Variants in PAK3 observed in about 807,000 individuals in gnomAD.
The protein encoded by PAK3 is serine/threonine-protein kinase PAK 3.
A neutral mutation model predicts 41.0 loss-of-function variants in PAK3; 4 were observed. The ratio of observed to expected loss-of-function variants is 0.10; its 90% CI spans 0.05 to 0.22. The LOEUF is 0.22. PAK3 is among the 10% of genes least tolerant of loss of function. The pLI, the probability that PAK3 is intolerant of heterozygous loss-of-function variation, is 1.00. For missense variants in PAK3, 205 were observed against 409.9 expected (o/e 0.50, Z 4.32); for synonymous variants, 146 against 139.6 (o/e 1.05, Z -0.32).
rs760116222 is a variant in PAK3, at chrX:111,163,580, G to T, written c.619G>T (p.Val207Phe). 41 of 1,204,058 alleles carry T rather than the reference G, an allele frequency of 3.4e-5. No homozygotes were observed. The highest frequency in any genetic ancestry group is 4.4e-5 in the Non-Finnish European group (39 of 890,532). Reference sequence around the variant, plus strand: ...TTTTTAGATCTATACTCGTTCTGTGGTTGAATCCATTGCTTCACCAGCAGT... The same window carrying T: ...TTTTTAGATCTATACTCGTTCTGTGTTTGAATCCATTGCTTCACCAGCAGT... The part of the protein sequence containing the change: ...HTKSIYTRSV[V>F]ESIASPAVPN... Residue 207 changes from valine (V) to phenylalanine (F), a missense_variant, in exon 10 of 18, where the codon GTT becomes TTT. Transcript: ENST00000372007.
intron 1 of PAK3, among the ~76,000 whole-genome samples, chrX:111,072,508 T>C (rs1338429513): frequency 8.9e-6 from 1 of 112,621 alleles, no homozygotes; most frequent in Non-Finnish European, 1.9e-5. Flanking sequence ...TAATTATTAA[T>C]GGTGGACTGA....
At chrX:110,959,883 T>G (rs1034119760) in intron 1 of PAK3, among the ~76,000 whole-genome samples, 6 of 111,214 alleles carry the variant, frequency 5.4e-5, no homozygotes, top group Non-Finnish European at 1.1e-4. Context: ...AAATTCATTG[T>G]TTTTTTTAAA....
intron 16 of PAK3, among the ~76,000 whole-genome samples, chrX:111,214,032 A>G (rs897251074): frequency 1.8e-5 from 2 of 111,639 alleles, no homozygotes; most frequent in African/African-American, 6.5e-5. Context: ...AAAATTACAA[A>G]GGAATGAGAG....
intron 1 of PAK3, among the ~76,000 whole-genome samples, chrX:111,019,392 C>T (rs1046850929): frequency 9.1e-6 from 1 of 109,525 alleles, no homozygotes; most frequent in African/African-American, 3.3e-5. Flanking sequence ...CCACAAAATT[C>T]GATTATAAAA....
intron 1 of PAK3, among the ~76,000 whole-genome samples, chrX:110,970,465 G>C (rs2091182993): frequency 9.0e-6 from 1 of 111,485 alleles, no homozygotes; most frequent in Admixed American, 9.5e-5. Context: ...GAGGAAACTG[G>C]AAACCATCAT....
intron 1 of PAK3, among the ~76,000 whole-genome samples, chrX:111,006,961 T>C (rs1166734182): frequency 4.7e-5 from 5 of 106,307 alleles, no homozygotes; most frequent in Non-Finnish European, 9.7e-5. Flanking sequence ...CTTCCCGCCT[T>C]GGCCTCCCAA....
intron 10 of PAK3, among the ~76,000 whole-genome samples, chrX:111,166,379 C>G (rs978884780): frequency 3.6e-5 from 4 of 111,805 alleles, no homozygotes; most frequent in Non-Finnish European, 7.5e-5. Flanking sequence ...TCATGGCTCA[C>G]TGCAACCTTG....
At chrX:111,041,032 G>T (rs2092448203) in intron 1 of PAK3, among the ~76,000 whole-genome samples, 1 of 112,417 alleles carries the variant, frequency 8.9e-6, no homozygotes, top group African/African-American at 3.2e-5. Flanking sequence ...TCACGATATA[G>T]CTCCTTTCTT....
intron 1 of PAK3, among the ~76,000 whole-genome samples, chrX:111,031,782 A>G (rs2148751015): frequency 9.0e-6 from 1 of 111,687 alleles, no homozygotes; most frequent in East Asian, 2.8e-4. Flanking sequence ...TGGGTCTATG[A>G]ACTGGGATTT....
chrX:111,120,111 TA>T (rs1170490242), intron 4 of PAK3, among the ~76,000 whole-genome samples: 3 of 112,434 alleles, frequency 2.7e-5, no homozygotes, highest in Non-Finnish European at 5.6e-5. Flanking sequence ...TGTGTCTTTG[TA>T]AAAGGTGTAT....
rs1211004864 is a variant in PAK3 at position 111,192,957 on chromosome X, A to G, written c.992+339A>G. ...GAGCCAGTACAATTTCTGGGAGTCT[A>G]AGTGAAGAAGGCTGACTACAATGGC... On this transcript the variant is annotated intron_variant, in intron 13 of 17. Coordinates refer to ENST00000372007, the MANE Select transcript of PAK3 (RefSeq NM_002578.5). Among the ~76,000 whole-genome samples, 5 of 112,162 alleles carry G rather than the reference A, an allele frequency of 4.5e-5. No individual in the cohort carries two copies. In the East Asian group the frequency reaches 1.4e-3, roughly 31 times the overall value.
chrX:111,222,851 A>G lies in PAK3; in HGVS notation c.*2404A>G, dbSNP rs1469699696. 1 of 111,141 alleles carries G rather than the reference A, an allele frequency of 9.0e-6. No individual in the cohort carries two copies. The highest frequency in any genetic ancestry group is 1.9e-5 in the Non-Finnish European group (1 of 52,992). The allele number at this position is 111,141 out of a possible 1,213,427, so 9.2% of individuals were successfully genotyped here. On this transcript the variant is annotated 3_prime_UTR_variant, in exon 18 of 18. Transcript: ENST00000372007. ...GGCTTCTCTCTTATGCTTTCAGTTC[A>G]GCATATTAACAATGAGGAGCCAGGT...
intron 1 of PAK3, among the ~76,000 whole-genome samples, chrX:111,034,180 A>C (rs2092369918): frequency 9.0e-6 from 1 of 111,401 alleles, no homozygotes; most frequent in Non-Finnish European, 1.9e-5. Context: ...GGTGATAGTC[A>C]CAGTAACCTA....
intron 1 of PAK3, among the ~76,000 whole-genome samples, chrX:110,999,728 C>T (rs1217303472): frequency 1.9e-5 from 2 of 107,187 alleles, no homozygotes; most frequent in African/African-American, 6.8e-5. Flanking sequence ...AATCCCAGCA[C>T]TTTGGGAGGC....
intron 1 of PAK3, among the ~76,000 whole-genome samples, chrX:111,044,807 G>A (rs1245200376): frequency 4.5e-5 from 5 of 112,263 alleles, no homozygotes; most frequent in Non-Finnish European, 9.4e-5. Flanking sequence ...CTTGGAATGT[G>A]TTTAAGCAGG....
intron 11 of PAK3, among the ~76,000 whole-genome samples, chrX:111,174,372 G>C (rs1045929789): frequency 1.2e-4 from 13 of 110,851 alleles, no homozygotes; most frequent in Middle Eastern, 4.2e-3. Context: ...GACCCTAAGG[G>C]GGACAGAAAC....
At chrX:111,006,374 C>T (rs1321311062) in intron 1 of PAK3, among the ~76,000 whole-genome samples, 1 of 111,604 alleles carries the variant, frequency 9.0e-6, no homozygotes, top group Non-Finnish European at 1.9e-5. Flanking sequence ...CGGTGAAAGG[C>T]ATGATGTCTG....
intron 1 of PAK3, among the ~76,000 whole-genome samples, chrX:110,946,273 G>A (rs1280319413): frequency 9.0e-6 from 1 of 110,779 alleles, no homozygotes; most frequent in Non-Finnish European, 1.9e-5. Flanking sequence ...AAGTGAGACT[G>A]CAGGGAGTCC....
At chrX:111,059,489 T>C (rs1431497282) in intron 1 of PAK3, among the ~76,000 whole-genome samples, 1 of 111,425 alleles carries the variant, frequency 9.0e-6, no homozygotes. Flanking sequence ...AGCATTAGAG[T>C]TTTGATGGGG....
Sources: gnomAD v4.1 joint callset for allele counts (sites outside exome capture counted in the v4.1 genomes callset) on GRCh38, gnomAD v4.1.1 for gene constraint, MANE v1.5 for transcripts, NCBI Gene and HGNC (gene_info 2026-07-23, HGNC 2026-07-21) for gene names.